HNF4G: variants seen among roughly 807,000 people sequenced by gnomAD.
The protein encoded by HNF4G is hepatocyte nuclear factor 4 gamma.
Under a neutral mutation model 50.9 loss-of-function variants are expected in HNF4G, and 21 were observed. The ratio of observed to expected loss-of-function variants is 0.41; its 90% CI spans 0.29 to 0.59. The LOEUF is 0.59. Ranked by LOEUF, HNF4G falls within the 20% of genes least tolerant of loss-of-function variation. The probability of loss-of-function intolerance (pLI) is 0.26; values close to 1 mark genes in which losing one functional copy is unlikely to be tolerated. For missense variants in HNF4G, 527 were observed against 559.4 expected (o/e 0.94, Z 0.58); for synonymous variants, 198 against 185.6 (o/e 1.07, Z -0.54).
In HNF4G at chr8:75,564,304, G is replaced by A. The variant is rs527519993; in HGVS notation, c.*208G>A. On this transcript the variant is annotated 3_prime_UTR_variant, in exon 10 of 10. Coordinates refer to ENST00000396423, the MANE Select transcript of HNF4G (RefSeq NM_004133.5). Reference sequence around the variant, plus strand: ...TCACATGCAACCAATGTATATCTGAGTTTGAAGATGTTTATATAGGGTATT... The same window carrying A: ...TCACATGCAACCAATGTATATCTGAATTTGAAGATGTTTATATAGGGTATT... The A allele has an allele frequency of 2.7e-4, 134 of 496,140 alleles. No homozygotes were observed. The highest frequency in any genetic ancestry group is 1.6e-3 in the African/African-American group (81 of 51,270). 30.7% of individuals were successfully genotyped at this position (496,140 alleles called of 1,614,324 possible). A position where few individuals can be genotyped will look rare whatever the true frequency, so the allele number is the denominator to read the frequency against.
At chr8:75,469,401 G>A (rs142939455) in intron 1 of HNF4G, among the ~76,000 whole-genome samples, 129 of 152,168 alleles carry the variant, frequency 8.5e-4, no homozygotes, top group African/African-American at 2.9e-3. Flanking sequence ...TACATCAGAG[G>A]GACAGTATAT....
chr8:75,431,156 T>C (rs1366391739), intron 1 of HNF4G, among the ~76,000 whole-genome samples: 1 of 152,034 alleles, frequency 6.6e-6, no homozygotes, highest in Non-Finnish European at 1.5e-5. Flanking sequence ...GAGAAAATTA[T>C]ATAGAAGGTA....
At chr8:75,483,711 G>A (rs776325770) in intron 1 of HNF4G, among the ~76,000 whole-genome samples, 1 of 152,138 alleles carries the variant, frequency 6.6e-6, no homozygotes, top group African/African-American at 2.4e-5. Flanking sequence ...AAAACTGAGA[G>A]AAATTATTCA....
intron 3 of HNF4G, among the ~76,000 whole-genome samples, chr8:75,549,750 C>T (rs918657715): frequency 1.8e-4 from 28 of 151,810 alleles, no homozygotes; most frequent in Admixed American, 9.2e-4. Context: ...CTAATGCTAT[C>T]CCTCCCCTCT....
chr8:75,528,810 C>T (rs1223506646), intron 2 of HNF4G, among the ~76,000 whole-genome samples: 1 of 152,108 alleles, frequency 6.6e-6, no homozygotes, highest in Admixed American at 6.5e-5. Context: ...ATGTATTAGT[C>T]TGTTCTCACG....
chr8:75,438,994 G>A (rs1811207414), intron 1 of HNF4G, among the ~76,000 whole-genome samples: 1 of 151,622 alleles, frequency 6.6e-6, no homozygotes, highest in African/African-American at 2.4e-5. Context: ...TTTCTTTGTA[G>A]TTGCATAGTA....
intron 3 of HNF4G, 103 bp from the exon 4 acceptor site, chr8:75,551,285 C>G (rs1806944465): frequency 8.0e-6 from 5 of 623,144 alleles, no homozygotes; most frequent in Non-Finnish European, 1.4e-5. Flanking sequence ...TTTAGAAAGA[C>G]TTTTTCTCAC....
chr8:75,505,335 T>A (rs1813047667), intron 2 of HNF4G, among the ~76,000 whole-genome samples: 1 of 152,156 alleles, frequency 6.6e-6, no homozygotes, highest in African/African-American at 2.4e-5. Flanking sequence ...GCTTCTTTCC[T>A]GATTCATTTG....
chr8:75,413,571 A>AT (rs1308107721), intron 1 of HNF4G, among the ~76,000 whole-genome samples: 10 of 151,952 alleles, frequency 6.6e-5, no homozygotes, highest in Non-Finnish European at 1.3e-4. Flanking sequence ...GGGGATACCT[A>AT]TAAAAAAAAA....
Position 75,563,962 on chromosome 8 carries a change from GA to G in HNF4G, c.1247-12del. ...CTGCCACCATTAGACTCAATTCTCT[GA>G]TTCTTTTTCAGCAACTCCTGAAACC... On this transcript the variant is annotated splice_polypyrimidine_tract_variant and intron_variant, in intron 9 of 9. Coordinates refer to ENST00000396423, the MANE Select transcript of HNF4G (RefSeq NM_004133.5). 1 of 1,612,852 alleles carries G rather than the reference GA, an allele frequency of 6.2e-7. No homozygotes were observed. The highest frequency in any genetic ancestry group is 8.5e-7 in the Non-Finnish European group (1 of 1,179,172).
chr8:75,480,016 A>AT (rs1812338461), intron 1 of HNF4G, among the ~76,000 whole-genome samples: 1 of 152,010 alleles, frequency 6.6e-6, no homozygotes, highest in Non-Finnish European at 1.5e-5. Flanking sequence ...AAAAAGTGTT[A>AT]TTTTTTGGAA....
upstream of HNF4G, among the ~76,000 whole-genome samples, chr8:75,537,907 T>C (rs1273591516): frequency 1.3e-5 from 2 of 152,148 alleles, no homozygotes; most frequent in African/African-American, 4.8e-5. Context: ...TTTAATTATT[T>C]TATTTGCTTA....
chr8:75,557,254 A>G (rs2130811153), intron 6 of HNF4G, among the ~76,000 whole-genome samples: 1 of 152,342 alleles, frequency 6.6e-6, no homozygotes, highest in East Asian at 1.9e-4. Flanking sequence ...AAAAGATAGT[A>G]ACTATGTGAG....
At chr8:75,459,793 T>G (rs895629918) in intron 1 of HNF4G, among the ~76,000 whole-genome samples, 5 of 152,176 alleles carry the variant, frequency 3.3e-5, no homozygotes, top group Admixed American at 1.3e-4. Flanking sequence ...GTCTTCAGAA[T>G]GCTAGCCACC....
chr8:75,412,707 C>T (rs2130463689), intron 1 of HNF4G, among the ~76,000 whole-genome samples: 1 of 151,204 alleles, frequency 6.6e-6, no homozygotes, highest in East Asian at 1.9e-4. Flanking sequence ...AGATTATGGA[C>T]TGTGTTTTAG....
At chr8:75,549,399 T>C (rs1806879786) in intron 3 of HNF4G, among the ~76,000 whole-genome samples, 1 of 152,124 alleles carries the variant, frequency 6.6e-6, no homozygotes, top group Admixed American at 6.5e-5. Context: ...CATCTTAATT[T>C]TTTATCTCTG....
chr8:75,560,354 T>C lies in HNF4G; in HGVS notation c.1134T>C (p.Asn378=), dbSNP rs1401000344. Residue 378 remains asparagine (N), a synonymous_variant, in exon 9 of 10, where the codon AAT becomes AAC. Coordinates refer to ENST00000396423, the MANE Select transcript of HNF4G (RefSeq NM_004133.5). The part of the protein sequence containing the change: ...LQEMLLGGAS[N]DGSHLHHPMH... The stretch of plus-strand genomic sequence containing the variant: ...TTTTATCTTTTGTAGGGGCTTCCAA[T>C]GATGGCAGTCATCTCCATCATCCAA... The C allele has an allele frequency of 2.5e-6, 4 of 1,613,198 alleles. No homozygotes were observed. Among genetic ancestry groups the C allele is most frequent in the African/African-American group, 1.3e-5 (1 of 74,904 alleles).
intron 2 of HNF4G, among the ~76,000 whole-genome samples, chr8:75,529,120 A>C (rs1348677900): frequency 1.5e-5 from 2 of 137,860 alleles, no homozygotes; most frequent in Non-Finnish European, 3.1e-5. Flanking sequence ...CCCCGTCTTT[A>C]CTAAAAATAC....
intron 2 of HNF4G, among the ~76,000 whole-genome samples, chr8:75,534,099 C>T (rs1806399850): frequency 6.6e-6 from 1 of 151,880 alleles, no homozygotes; most frequent in South Asian, 2.1e-4. Context: ...ACTTCCTTCC[C>T]TTCATTTTGC....
Sources: gnomAD v4.1 joint callset for allele counts (sites outside exome capture counted in the v4.1 genomes callset) on GRCh38, gnomAD v4.1.1 for gene constraint, MANE v1.5 for transcripts, NCBI Gene and HGNC (gene_info 2026-07-23, HGNC 2026-07-21) for gene names.